The following RNF220 variants were observed in gnomAD, a reference collection of about 807,000 sequenced individuals.
The protein encoded by RNF220 is ring finger protein 220, also known as E3 ubiquitin-protein ligase RNF220.
In RNF220, 7 loss-of-function variants were observed where a neutral mutation model predicts 67.1. That is an observed-to-expected ratio of 0.10 (90% CI 0.06 to 0.20). RNF220 has a LOEUF of 0.20. Ranked by LOEUF, RNF220 falls within the 10% of genes least tolerant of loss-of-function variation. The pLI is 1.00. For missense variants in RNF220, 565 were observed against 740.3 expected (o/e 0.76, Z 2.75); for synonymous variants, 270 against 283.2 (o/e 0.95, Z 0.47).
In RNF220 at chr1:44,624,982, A is replaced by T. The variant is rs1444505817; in HGVS notation, c.805-1315A>T. On this transcript the variant is annotated intron_variant, in intron 4 of 14. Coordinates refer to ENST00000361799, the MANE Select transcript of RNF220 (RefSeq NM_018150.4). This position sits in a 1 kb window ranked among gnomAD's most constrained non-coding sequence, Gnocchi z 4.2. The stretch of plus-strand genomic sequence containing the variant: ...GACCTTTTTTTATTCCGCTTGCCCC[A>T]GGTGTAATGCCGAGGCCTCTCAGGG... 6.6e-6 allele frequency among the ~76,000 whole-genome samples: 1 copy of T among 151,708 alleles called. No individual in the cohort carries two copies. The highest frequency in any genetic ancestry group is 2.4e-5 in the African/African-American group (1 of 41,274).
chr1:44,645,374 C>G lies in RNF220; in HGVS notation c.1367-36C>G, dbSNP rs1644610694. ...CAACCCCTCACCTGTGCTGCCCAGT[C>G]TGGCCGGAGTGTGAGTTGCCCCTCT... On this transcript the variant is annotated intron_variant, in intron 11 of 14. Coordinates refer to ENST00000361799, the MANE Select transcript of RNF220 (RefSeq NM_018150.4). The surrounding 1 kb of genome is among the most constrained non-coding windows in gnomAD (Gnocchi z 5.0). 1.9e-6 allele frequency: 3 copies of G among 1,613,818 alleles called. No homozygotes were observed. The East Asian group carries it at 6.7e-5, about 36-fold the overall frequency.
chr1:44,472,976 A>G (rs1654951522), intron 2 of RNF220, among the ~76,000 whole-genome samples: 1 of 152,052 alleles, frequency 6.6e-6, no homozygotes, highest in African/African-American at 2.4e-5. Flanking sequence ...TCCGGACAGG[A>G]TGATATTCAT....
intron 2 of RNF220, among the ~76,000 whole-genome samples, chr1:44,433,988 CAT>C (rs763417562): frequency 3.2e-4 from 48 of 152,022 alleles, no homozygotes; most frequent in East Asian, 3.9e-4. Context: ...TAAAATAAAA[CAT>C]ATTTTTAAAA....
chr1:44,409,735 T>A (rs986714260), intron 1 of RNF220, among the ~76,000 whole-genome samples: 10 of 152,090 alleles, frequency 6.6e-5, no homozygotes, highest in Non-Finnish European at 1.3e-4. Flanking sequence ...ATTAAGAGGG[T>A]CAGTTAGTTT....
At chr1:44,491,824 C>T (rs542080766) in intron 2 of RNF220, among the ~76,000 whole-genome samples, 6 of 152,200 alleles carry the variant, frequency 3.9e-5, no homozygotes, top group South Asian at 2.1e-4. Context: ...CCACCACGCC[C>T]GGCTAATTTT....
chr1:44,601,128 G>A (rs1419165056), intron 2 of RNF220, among the ~76,000 whole-genome samples: 1 of 152,148 alleles, frequency 6.6e-6, no homozygotes, highest in Non-Finnish European at 1.5e-5. Context: ...CTAGCACATG[G>A]AAGGCACTCA....
intron 1 of RNF220, among the ~76,000 whole-genome samples, chr1:44,411,754 G>A (rs545808911): frequency 6.6e-6 from 1 of 152,098 alleles, no homozygotes; most frequent in African/African-American, 2.4e-5. Context: ...CACCCAGAAC[G>A]TGTAGGGACC....
At chr1:44,485,971 A>G (rs906224695) in intron 2 of RNF220, among the ~76,000 whole-genome samples, 1 of 152,348 alleles carries the variant, frequency 6.6e-6, no homozygotes, top group East Asian at 1.9e-4. Flanking sequence ...AAGAAAATCT[A>G]TTGCCCCTCT....
chr1:44,462,431 T>C (rs946976046), intron 2 of RNF220, among the ~76,000 whole-genome samples: 2 of 152,032 alleles, frequency 1.3e-5, no homozygotes, highest in African/African-American at 4.8e-5. Flanking sequence ...TAATAAGCTG[T>C]AAAAGAGTAT....
Position 44,632,400 on chromosome 1 carries a change from G to GCCCCCAGCCCCCCCCC in RNF220, c.949+19_949+20insCAGCCCCCCCCCCCCC. 6.2e-7 allele frequency: 1 copy of GCCCCCAGCCCCCCCCC among 1,607,452 alleles called. No homozygotes were observed. Among genetic ancestry groups the GCCCCCAGCCCCCCCCC allele is most frequent in the Non-Finnish European group, 8.5e-7 (1 of 1,177,492 alleles). ...CCGACTGAATGGTGAGTCCTGCCCG[G>GCCCCCAGCCCCCCCCC]CCCCTCCCTCCGCCCCACCCCCGGC... is the stretch of plus-strand genomic sequence containing the variant. On this transcript the variant is annotated intron_variant, in intron 6 of 14. Transcript: ENST00000361799.
chr1:44,405,664 C>G (rs577551775), intron 1 of RNF220, 134 bp downstream of exon 1: 1 of 241,452 alleles, frequency 4.1e-6, no homozygotes, highest in Non-Finnish European at 8.0e-6. Context: ...TCCCTCTGGA[C>G]GGGGGCAGGG....
At chr1:44,477,592 C>T (rs1297436946) in intron 2 of RNF220, among the ~76,000 whole-genome samples, 2 of 152,344 alleles carry the variant, frequency 1.3e-5, no homozygotes, top group Non-Finnish European at 1.5e-5. Flanking sequence ...CATACAACAG[C>T]ACTTACTTCT....
intron 2 of RNF220, among the ~76,000 whole-genome samples, chr1:44,567,053 G>A (rs76222732): frequency 6.4e-4 from 97 of 152,292 alleles, no homozygotes; most frequent in African/African-American, 1.9e-3. Flanking sequence ...AGAATGGATG[G>A]AGAATCACTC....
chr1:44,640,095 C>A (rs1480497458), intron 8 of RNF220, among the ~76,000 whole-genome samples: 1 of 152,256 alleles, frequency 6.6e-6, no homozygotes, highest in Non-Finnish European at 1.5e-5. Context: ...CGGCCTGGCA[C>A]AAATCTTTTA....
intron 1 of RNF220, among the ~76,000 whole-genome samples, chr1:44,408,163 T>C (rs1195450729): frequency 6.6e-6 from 1 of 152,208 alleles, no homozygotes; most frequent in African/African-American, 2.4e-5. Context: ...TTCCCCCGTT[T>C]TCCCTAAAAG....
At chr1:44,553,828 C>T (rs1410450924) in intron 2 of RNF220, among the ~76,000 whole-genome samples, 1 of 152,156 alleles carries the variant, frequency 6.6e-6, no homozygotes, top group Non-Finnish European at 1.5e-5. Flanking sequence ...TGAAGTACTT[C>T]AGAGCTAGCA....
chr1:44,554,128 G>A (rs1319382616), intron 2 of RNF220, among the ~76,000 whole-genome samples: 3 of 152,168 alleles, frequency 2.0e-5, no homozygotes, highest in Non-Finnish European at 2.9e-5. Flanking sequence ...ACAGAATGGA[G>A]AAGGGTGATG....
intron 2 of RNF220, among the ~76,000 whole-genome samples, chr1:44,439,778 A>G (rs908134798): frequency 1.3e-5 from 2 of 152,238 alleles, no homozygotes; most frequent in African/African-American, 4.8e-5. Context: ...CTAGATCCTA[A>G]GTTCCTGTGG....
intron 2 of RNF220, among the ~76,000 whole-genome samples, chr1:44,563,148 A>G (rs1889759): frequency 0.19 from 28,612 of 152,270 alleles, 4,291 homozygotes; most frequent in African/African-American, 0.42. Context: ...TGGTAACAGC[A>G]GACCTGGGCC....
Sources: gnomAD v4.1 joint callset for allele counts (sites outside exome capture counted in the v4.1 genomes callset) on GRCh38, gnomAD v4.1.1 for gene constraint, Gnocchi (gnomAD v3.1) non-coding constraint, MANE v1.5 for transcripts, NCBI Gene and HGNC (gene_info 2026-07-23, HGNC 2026-07-21) for gene names.